Variants in TRIML1 observed in about 807,000 individuals in gnomAD.
TRIML1 encodes probable E3 ubiquitin-protein ligase TRIML1.
In TRIML1, 34 loss-of-function variants were observed where a neutral mutation model predicts 32.3. That is an observed-to-expected ratio of 1.05 (90% CI 0.80 to 1.40). The LOEUF (loss-of-function observed/expected upper bound fraction) is 1.40. TRIML1 is among the 40% of genes most tolerant of loss of function. TRIML1 has a pLI of 0.00. For synonymous variants in TRIML1, 244 were observed against 226.6 expected (o/e 1.08, Z -0.69); for missense variants, 595 against 574.9 (o/e 1.03, Z -0.36).
downstream of TRIML1, among the ~76,000 whole-genome samples, chr4:188,150,474 A>C (rs1446633903): frequency 6.6e-6 from 1 of 152,204 alleles, no homozygotes; most frequent in Non-Finnish European, 1.5e-5. Flanking sequence ...CACCTCAAAA[A>C]GCTAAGAAAC....
In TRIML1 at chr4:188,144,564, G is replaced by A. The variant is rs74447205; in HGVS notation, c.856+431G>A. Among the ~76,000 whole-genome samples, 36 of 142,346 alleles carry A rather than the reference G, an allele frequency of 2.5e-4. 3 individuals carry two copies. In the South Asian group the frequency reaches 3.8e-3, roughly 15 times the overall value. The allele number at this position is 142,346 out of a possible 152,430, so 93.4% of individuals were successfully genotyped here. A position where few individuals can be genotyped will look rare whatever the true frequency, so the allele number is the denominator to read the frequency against. On this transcript the variant is annotated intron_variant, in intron 5 of 5. Coordinates refer to ENST00000332517, the MANE Select transcript of TRIML1 (RefSeq NM_178556.5). ...TTTTTAGTACAGACGGGGTTTCACT[G>A]TGTTAGCCAGGATGGTCTCGATCTC...
chr4:188,140,779 G>C (rs1253746176), intron 2 of TRIML1, 156 bp downstream of exon 2: 11 of 592,680 alleles, frequency 1.9e-5, no homozygotes, highest in Non-Finnish European at 3.3e-5. Context: ...TCTTCTGAGC[G>C]TCCTCGTGGG....
At chr4:188,139,262 TG>T (rs78785695), upstream of TRIML1, among the ~76,000 whole-genome samples, 19,008 of 152,232 alleles carry the variant, frequency 0.12, 1,455 homozygotes, top group South Asian at 0.3. Context: ...ATGGTAATCC[TG>T]TTAGAAGCCA....
In TRIML1 at chr4:188,142,410, A is replaced by T. The variant is rs761489448; in HGVS notation, c.663A>T (p.Gln221His). The T allele has an allele frequency of 3.7e-6, 6 of 1,613,964 alleles. No homozygotes were observed. Among genetic ancestry groups the T allele is most frequent in the Non-Finnish European group, 5.1e-6 (6 of 1,180,022 alleles). ...ACAATGAGATCAAACTGACCCAGCA[A>T]ATCAGAAGCCTAAGCAAAATGATCG... ...LRNNEIKLTQ[Q>H]IRSLSKMIAQ... Residue 221 changes from glutamine to histidine, a missense_variant, in exon 3 of 6, where the codon CAA becomes CAT. Coordinates refer to ENST00000332517, the MANE Select transcript of TRIML1 (RefSeq NM_178556.5).
intron 5 of TRIML1, among the ~76,000 whole-genome samples, chr4:188,145,441 C>CAAAAAAA (rs869253721): frequency 0.013 from 460 of 34,100 alleles, 31 homozygotes; most frequent in East Asian, 0.02. Flanking sequence ...GACTCCGTCT[C>CAAAAAAA]AAAAAAAAAA....
At chr4:188,141,167 T>TTTTTTTTTTTTTG (rs1734839600) in intron 2 of TRIML1, among the ~76,000 whole-genome samples, 1 of 37,554 alleles carries the variant, frequency 2.7e-5, no homozygotes, top group East Asian at 2.3e-4. Flanking sequence ...TGAAATCTGT[T>TTTTTTTTTTTTTG]TTTTTTTTTT....
intron 5 of TRIML1, 73 bp downstream of exon 5, chr4:188,144,206 A>G: frequency 7.5e-7 from 1 of 1,327,144 alleles, no homozygotes; most frequent in Non-Finnish European, 1.1e-6. Flanking sequence ...CCAGTGTCAG[A>G]CATTCACGAT....
chr4:188,139,782 C>A lies in TRIML1; in HGVS notation c.224C>A (p.Ala75Asp), dbSNP rs770627440. 28 of 1,613,770 alleles carry A rather than the reference C, an allele frequency of 1.7e-5. 1 individual carries two copies. The highest frequency in any genetic ancestry group is 9.9e-5 in the South Asian group (9 of 91,084). ...FQSNERLGRL[A>D]SIARQLRSQV... is the part of the protein sequence containing the mutation. ...TCAAACGAGCGTCTGGGGAGGCTGG[C>A]CAGCATCGCCAGGCAGCTCCGGTCC... The change falls in exon 1 of 6, where the codon GCC becomes GAC. Residue 75 changes from alanine (A) to aspartate (D), a missense_variant. Transcript: ENST00000332517.
At chr4:188,138,340 G>C (rs1734725486), upstream of TRIML1, among the ~76,000 whole-genome samples, 1 of 152,122 alleles carries the variant, frequency 6.6e-6, no homozygotes, top group African/African-American at 2.4e-5. Context: ...GAACGGAACA[G>C]CCTGAGTAAT....
chr4:188,146,900 G>A lies in TRIML1; in HGVS notation c.935G>A (p.Gly312Glu). The A allele has an allele frequency of 6.7e-7, 1 of 1,495,218 alleles. No homozygotes were observed. Among genetic ancestry groups the A allele is most frequent in the South Asian group, 1.4e-5 (1 of 70,424 alleles). 92.6% of individuals were successfully genotyped at this position (1,495,218 alleles called of 1,614,324 possible). A position where few individuals can be genotyped will look rare whatever the true frequency, so the allele number is the denominator to read the frequency against. Residue 312 changes from glycine (G) to glutamate (E), a missense_variant, in exon 6 of 6, where the codon GGA (glycine) becomes GAA (glutamate). Gly to Glu is a moderately conservative substitution (Grantham distance 98, BLOSUM62 -2). Coordinates refer to ENST00000332517, the MANE Select transcript of TRIML1 (RefSeq NM_178556.5). ...SEDLKSVKYG[G>E]SRQQLPDNPE... is the part of the protein sequence containing the mutation. Reference sequence around the variant, plus strand: ...GATCTGAAGAGTGTGAAATATGGGGGAAGCAGACAGCAGCTACCCGACAAC... The same window carrying A: ...GATCTGAAGAGTGTGAAATATGGGGAAAGCAGACAGCAGCTACCCGACAAC...
At chr4:188,139,022 A>C (rs1734748878), upstream of TRIML1, among the ~76,000 whole-genome samples, 1 of 152,180 alleles carries the variant, frequency 6.6e-6, no homozygotes, top group Non-Finnish European at 1.5e-5. Flanking sequence ...AAAAGGGGCT[A>C]ATGAGAAAAG....
Position 188,139,737 on chromosome 4 carries a change from TGGAG to T in TRIML1, c.182_185del (p.Glu61AlafsTer55), listed in dbSNP as rs1734775177. 1.2e-6 allele frequency: 2 copies of T among 1,613,776 alleles called. No homozygotes were observed. The highest frequency in any genetic ancestry group is 1.7e-6 in the Non-Finnish European group (2 of 1,179,964). ...TCTTGTCCTGAGTGCTGGAGGACCTTGGAGGGCCCGCATTTCCAGTCAAACGAGC... is the reference window on the plus strand; with the variant it reads ...TCTTGTCCTGAGTGCTGGAGGACCTTGGCCCGCATTTCCAGTCAAACGAGC... On this transcript the variant is annotated frameshift_variant, in exon 1 of 6. Transcript: ENST00000332517. LOFTEE classifies it high-confidence loss of function.
At chr4:188,148,607 T>A (rs1397527402), downstream of TRIML1, among the ~76,000 whole-genome samples, 1 of 149,032 alleles carries the variant, frequency 6.7e-6, no homozygotes, top group African/African-American at 2.4e-5. Context: ...TGCAGGTGTT[T>A]GTTTGTTTGT....
intron 1 of TRIML1, among the ~76,000 whole-genome samples, chr4:188,140,180 A>G (rs1009821670): frequency 2.0e-5 from 3 of 150,528 alleles, no homozygotes; most frequent in African/African-American, 4.9e-5. Flanking sequence ...GGAGTGCAGC[A>G]GTGCGATCTC....
intron 5 of TRIML1, 115 bp downstream of exon 5, chr4:188,144,248 G>T (rs1432637928): frequency 4.4e-6 from 4 of 911,508 alleles, no homozygotes; most frequent in Non-Finnish European, 6.7e-6. Flanking sequence ...AGGAATCCGG[G>T]CCAGCACGGA....
chr4:188,150,121 A>G (rs930153041), downstream of TRIML1, among the ~76,000 whole-genome samples: 1 of 149,748 alleles, frequency 6.7e-6, no homozygotes, highest in Non-Finnish European at 1.5e-5. Context: ...ATTTATTTTT[A>G]AAAATTATTA....
In TRIML1 at chr4:188,144,069, C is replaced by T; in HGVS notation, c.792C>T (p.Ala264=). The T allele has an allele frequency of 1.2e-6, 2 of 1,614,058 alleles. No homozygotes were observed. The highest frequency in any genetic ancestry group is 1.7e-6 in the Non-Finnish European group (2 of 1,180,026). Residue 264 remains alanine, a synonymous_variant, in exon 5 of 6, where the codon GCC becomes GCT. Coordinates refer to ENST00000332517, the MANE Select transcript of TRIML1 (RefSeq NM_178556.5). ...CACTCTTGCTTCAGTGTCCAGAGGC[C>T]ACCACCACAGAGCTGAGTCTGTGCC... ...SEPLLLQCPE[A]TTTELSLCRI...
Position 188,146,978 on chromosome 4 carries a change from G to A in TRIML1, c.1013G>A (p.Ser338Asn), listed in dbSNP as rs368069261. 2 of 1,568,392 alleles carry A rather than the reference G, an allele frequency of 1.3e-6. No individual in the cohort carries two copies. Among genetic ancestry groups the A allele is most frequent in the African/African-American group, 2.7e-5 (2 of 73,714 alleles). ...ATVLGTQIFTSGRHYWEVEVG... is the reference protein window; with the variant it reads ...ATVLGTQIFTNGRHYWEVEVG... ...GTGCTGGGTACTCAGATCTTCACCA[G>A]TGGGAGACACTACTGGGAGGTGGAG... Residue 338 changes from serine to asparagine, a missense_variant, in exon 6 of 6, where the codon AGT becomes AAT. Physicochemically the swap from Ser to Asn is conservative, Grantham distance 46. Transcript: ENST00000332517.
downstream of TRIML1, among the ~76,000 whole-genome samples, chr4:188,148,499 A>C (rs1430673427): frequency 6.6e-6 from 1 of 151,958 alleles, no homozygotes; most frequent in East Asian, 1.9e-4. Flanking sequence ...CATCTCAAAA[A>C]AAAAGAAGTC....
Sources: gnomAD v4.1 joint callset for allele counts (sites outside exome capture counted in the v4.1 genomes callset) on GRCh38, gnomAD v4.1.1 for gene constraint, MANE v1.5 for transcripts, NCBI Gene and HGNC (gene_info 2026-07-23, HGNC 2026-07-21) for gene names.